The following RABGAP1 variants were observed in gnomAD, a reference collection of about 807,000 sequenced individuals.
The protein encoded by RABGAP1 is rab GTPase-activating protein 1.
RABGAP1 carries 23 observed loss-of-function variants against 137.6 expected under a neutral mutation model. The ratio of observed to expected loss-of-function variants is 0.17; its 90% confidence interval spans 0.12 to 0.24. RABGAP1 has a LOEUF of 0.24. Among genes scored for constraint, RABGAP1 ranks in the 10% least tolerant of loss-of-function variants. The probability of loss-of-function intolerance (pLI) is 1.00; values close to 1 mark genes in which losing one functional copy is unlikely to be tolerated. For missense variants in RABGAP1, 906 were observed against 1,275.8 expected (o/e 0.71, Z 4.42); for synonymous variants, 451 against 450.7 (o/e 1.00, Z -0.01).
At chr9:122,963,600 T>G (rs1834971343) in intron 2 of RABGAP1, among the ~76,000 whole-genome samples, 1 of 152,162 alleles carries the variant, frequency 6.6e-6, no homozygotes, top group Non-Finnish European at 1.5e-5. Context: ...ATACTAAGAC[T>G]TATGGGATAC....
At chr9:123,008,544 CAAAAAA>C (rs34127466) in intron 10 of RABGAP1, among the ~76,000 whole-genome samples, 1 of 53,126 alleles carries the variant, frequency 1.9e-5, no homozygotes, top group Non-Finnish European at 4.0e-5. Context: ...GACTCCATCT[CAAAAAA>C]AAAAAAAAAA....
chr9:122,934,526 A>C, the RABGAP1 span, among the ~76,000 whole-genome samples: 1 of 152,132 alleles, frequency 6.6e-6, no homozygotes, highest in African/African-American at 2.4e-5. Context: ...TTTTAGAGAC[A>C]GGGTCTCACT....
intron 2 of RABGAP1, among the ~76,000 whole-genome samples, chr9:122,961,924 A>G (rs1197674408): frequency 1.3e-5 from 2 of 152,214 alleles, no homozygotes. Context: ...ATTCATAAGA[A>G]TAAATGAAGA....
chr9:122,968,354 T>A (rs1438619379), intron 2 of RABGAP1, among the ~76,000 whole-genome samples: 3 of 150,270 alleles, frequency 2.0e-5, no homozygotes, highest in Non-Finnish European at 4.4e-5. Flanking sequence ...TCCTGAGTAG[T>A]TGGGACAGTA....
chr9:123,091,614 A>G (rs964918085), intron 21 of RABGAP1, among the ~76,000 whole-genome samples: 1 of 152,020 alleles, frequency 6.6e-6, no homozygotes, highest in African/African-American at 2.4e-5. Context: ...ACATAATTAG[A>G]TGTATATGAA....
chr9:123,003,496 A>G (rs1353480969), intron 10 of RABGAP1, among the ~76,000 whole-genome samples: 1 of 152,216 alleles, frequency 6.6e-6, no homozygotes, highest in Admixed American at 6.5e-5. Flanking sequence ...CTGAAAAGGA[A>G]ACAATGCTAC....
intron 1 of RABGAP1, among the ~76,000 whole-genome samples, chr9:122,941,447 G>A (rs539002768): frequency 6.6e-6 from 1 of 152,362 alleles, no homozygotes; most frequent in Admixed American, 6.5e-5. Context: ...AATGTTTTAT[G>A]CTTGGTCCTA....
intron 2 of RABGAP1, among the ~76,000 whole-genome samples, chr9:122,978,877 C>CATTTT (rs71388334): frequency 9.3e-5 from 14 of 150,248 alleles, no homozygotes; most frequent in East Asian, 5.9e-4. Context: ...TTTAGTCATT[C>CATTTT]ATTTTATTTT....
intron 2 of RABGAP1, among the ~76,000 whole-genome samples, chr9:122,970,859 A>T (rs1835431706): frequency 6.6e-6 from 1 of 152,250 alleles, no homozygotes; most frequent in East Asian, 1.9e-4. Flanking sequence ...TAATTAGGAA[A>T]GCTGGCTGAA....
chr9:122,989,340 A>G lies in RABGAP1; in HGVS notation c.634A>G (p.Ile212Val), dbSNP rs1836543346. ...QTNTEIANYP[I>V]YKILFCVRGH... ...AAACACTGAAATAGCAAACTACCCT[A>G]TCTACAAAATCCTCTTCTGTGTCAG... The change falls in exon 5 of 26, where the codon ATC becomes GTC. Residue 212 changes from isoleucine to valine, a missense_variant. Physicochemically the swap from Ile to Val is conservative, Grantham distance 29. Around this residue, in one of 9 missense-constraint regions of RABGAP1, gnomAD observed 331 missense variants for 358.3 expected, o/e 0.92. Coordinates refer to ENST00000373647, the MANE Select transcript of RABGAP1 (RefSeq NM_012197.4). 1.9e-6 allele frequency: 3 copies of G among 1,613,854 alleles called. No individual in the cohort carries two copies. The highest frequency in any genetic ancestry group is 2.2e-5 in the East Asian group (1 of 44,846).
intron 13 of RABGAP1, among the ~76,000 whole-genome samples, chr9:123,050,315 T>C (rs1225370999): frequency 1.3e-5 from 2 of 152,244 alleles, no homozygotes; most frequent in East Asian, 1.9e-4. Flanking sequence ...TGAATTGTTA[T>C]TGTTAATCAG....
intron 10 of RABGAP1, among the ~76,000 whole-genome samples, chr9:122,999,793 C>T (rs1837230047): frequency 6.6e-6 from 1 of 151,214 alleles, no homozygotes; most frequent in South Asian, 2.1e-4. Flanking sequence ...TCTCTCTTCT[C>T]TTTGATTCTG....
Position 123,074,447 on chromosome 9 carries a change from A to G in RABGAP1, c.2253+19A>G, listed in dbSNP as rs76058281. 1.2e-6 allele frequency: 2 copies of G among 1,603,478 alleles called. No individual in the cohort carries two copies. Among genetic ancestry groups the G allele is most frequent in the Non-Finnish European group, 1.7e-6 (2 of 1,173,806 alleles). ...ATGTGAGGTATGTATCAGAGGCCAC[A>G]GCACTTTGGCTTTTGTTTGCAGTGT... On this transcript the variant is annotated intron_variant, in intron 17 of 25. Transcript: ENST00000373647.
chr9:123,043,894 T>A (rs905755258), intron 13 of RABGAP1, among the ~76,000 whole-genome samples: 8 of 151,204 alleles, frequency 5.3e-5, no homozygotes, highest in Admixed American at 1.3e-4. Context: ...GTAGGTGTAT[T>A]ATTTTCTTTT....
At position 123,086,863 on chromosome 9, in the gene RABGAP1, C is replaced by T. The variant is rs999194042; in HGVS notation, c.2425-2895C>T. ...GAGAGGTGACCCCTGAGGACTGATTCGGAAGTAAATGAAGACCATCAGCTA... is the reference window on the plus strand; with the variant it reads ...GAGAGGTGACCCCTGAGGACTGATTTGGAAGTAAATGAAGACCATCAGCTA... On this transcript the variant is annotated intron_variant, in intron 19 of 25. Coordinates refer to ENST00000373647, the MANE Select transcript of RABGAP1 (RefSeq NM_012197.4). Among the ~76,000 whole-genome samples the T allele has an allele frequency of 6.6e-5, 10 of 152,182 alleles. No homozygotes were observed. The East Asian group carries it at 1.5e-3, about 23-fold the overall frequency.
chr9:122,962,091 A>T (rs186851543), intron 2 of RABGAP1, among the ~76,000 whole-genome samples: 128 of 152,334 alleles, frequency 8.4e-4, no homozygotes, highest in African/African-American at 1.5e-3. Flanking sequence ...TATAATGTGT[A>T]TAGCAATACC....
chr9:123,098,639 A>G, intron 22 of RABGAP1, 76 bp from the exon 23 acceptor site: 1 of 1,297,554 alleles, frequency 7.7e-7, no homozygotes, highest in Non-Finnish European at 1.1e-6. Flanking sequence ...TGGGAAGCCT[A>G]GCACTAAGCG....
chr9:123,081,627 G>C (rs1372446365), intron 19 of RABGAP1, among the ~76,000 whole-genome samples: 2 of 151,766 alleles, frequency 1.3e-5, no homozygotes, highest in African/African-American at 4.8e-5. Context: ...ATTTTGTGTA[G>C]AGACAAGGTC....
intron 13 of RABGAP1, among the ~76,000 whole-genome samples, chr9:123,061,173 C>T (rs1256415122): frequency 6.6e-6 from 1 of 152,158 alleles, no homozygotes; most frequent in African/African-American, 2.4e-5. Context: ...GGCTGGAGCA[C>T]AGTGGCACAG....
Sources: gnomAD v4.1 joint callset for allele counts (sites outside exome capture counted in the v4.1 genomes callset) on GRCh38, gnomAD v4.1.1 for gene constraint, gnomAD v4.1.1 regional missense constraint, MANE v1.5 for transcripts, NCBI Gene and HGNC (gene_info 2026-07-23, HGNC 2026-07-21) for gene names.